The following ATR variants were observed in gnomAD, a reference collection of about 807,000 sequenced individuals.
ATR encodes ATR checkpoint kinase.
Under a neutral mutation model 305.3 loss-of-function variants are expected in ATR, and 142 were observed. That is an observed-to-expected ratio of 0.47 (90% CI 0.41 to 0.53). The LOEUF (loss-of-function observed/expected upper bound fraction) is 0.53, where lower values mean the gene tolerates loss of function less well. Ranked by LOEUF, ATR falls within the 20% of genes least tolerant of loss-of-function variation. The pLI, the probability that ATR is intolerant of heterozygous loss-of-function variation, is 0.00. For missense variants in ATR, 2,135 were observed against 3,133.1 expected (o/e 0.68, Z 7.60); for synonymous variants, 1,050 against 1,068.1 (o/e 0.98, Z 0.33).
At chr3:142,472,085 TTGTGTGTGTGTGTGTGTG>T (rs34342996) in intron 36 of ATR, 7 of 144,126 alleles carry the variant, frequency 4.9e-5, no homozygotes, top group South Asian at 2.3e-4. Flanking sequence ...TAGTATTCCA[TTGTGTGTGTGTGTGTGTG>T]TGTGTGTGTG....
chr3:142,462,601 T>A (rs1232450358), intron 41 of ATR, among the ~76,000 whole-genome samples: 4 of 151,942 alleles, frequency 2.6e-5, no homozygotes, highest in Non-Finnish European at 4.4e-5. Context: ...CCCGAGTAGG[T>A]GGGACTATAG....
rs760823609 is a variant in ATR at position 142,454,437 on chromosome 3, C to CTTTTTTTTTTTTT, written c.7656-1217_7656-1205dup. Among the ~76,000 whole-genome samples the CTTTTTTTTTTTTT allele has an allele frequency of 1.0e-3, 102 of 101,470 alleles. 5 individuals are homozygous for CTTTTTTTTTTTTT. Among genetic ancestry groups the CTTTTTTTTTTTTT allele is most frequent in the African/African-American group, 4.9e-3 (98 of 20,118 alleles). The allele number at this position is 101,470 out of a possible 152,430, so 66.6% of individuals were successfully genotyped here. ...TTCTACCATAATGTCTGATAGACAG[C>CTTTTTTTTTTTTT]TTTTTTTTTTTTTTTTTTTTTTTGA... On this transcript the variant is annotated intron_variant, in intron 45 of 46. Transcript: ENST00000350721.
At chr3:142,480,778 C>T (rs1422460709) in intron 36 of ATR, among the ~76,000 whole-genome samples, 7 of 152,232 alleles carry the variant, frequency 4.6e-5, no homozygotes, top group Admixed American at 1.3e-4. Flanking sequence ...ACTCAAGCCT[C>T]AGCAATGGCG....
At chr3:142,536,243 A>G in intron 19 of ATR, 42 bp from the exon 20 acceptor site, 1 of 1,360,360 alleles carries the variant, frequency 7.4e-7, no homozygotes, top group South Asian at 1.2e-5. Context: ...TGCCAAGAAT[A>G]TGAATACTAA....
chr3:142,569,524 G>A (rs34104088), intron 1 of ATR, among the ~76,000 whole-genome samples: 2,732 of 152,116 alleles, frequency 0.018, 30 homozygotes, highest in South Asian at 0.041. Context: ...GTTTCACCAC[G>A]TTGCCCAGGC....
intron 10 of ATR, among the ~76,000 whole-genome samples, chr3:142,554,487 C>T (rs762949661): frequency 2.6e-5 from 4 of 152,288 alleles, no homozygotes; most frequent in East Asian, 1.9e-4. Context: ...CTCGGCCTCC[C>T]GAAGTGCTGG....
chr3:142,569,313 T>A (rs1019891268), intron 1 of ATR, among the ~76,000 whole-genome samples: 17 of 152,160 alleles, frequency 1.1e-4, no homozygotes, highest in Non-Finnish European at 1.6e-4. Flanking sequence ...GGTGTTTTTT[T>A]ATTATTATTT....
intron 21 of ATR, among the ~76,000 whole-genome samples, chr3:142,530,714 C>T (rs1178018419): frequency 6.6e-6 from 1 of 152,026 alleles, no homozygotes; most frequent in Non-Finnish European, 1.5e-5. Context: ...TAAAATTCTC[C>T]CTCTTACTTT....
chr3:142,497,565 C>T (rs1301632424), intron 32 of ATR, among the ~76,000 whole-genome samples: 5 of 143,124 alleles, frequency 3.5e-5, no homozygotes, highest in Non-Finnish European at 6.1e-5. Context: ...AGACCCCGTC[C>T]CTTAAAATAA....
At position 142,457,638 on chromosome 3, in the gene ATR, T is replaced by G. The variant is rs762108631; in HGVS notation, c.7621A>C (p.Arg2541=). The G allele has an allele frequency of 1.3e-5, 21 of 1,614,046 alleles. No individual in the cohort carries two copies. The highest frequency in any genetic ancestry group is 1.4e-5 in the Non-Finnish European group (17 of 1,179,946). The change falls in exon 45 of 47, where the codon AGG becomes CGG. Residue 2541 remains arginine (R), a synonymous_variant. Transcript: ENST00000350721. ...LFRRACEVTM[R]LMRDQREPLM... The stretch of plus-strand genomic sequence containing the variant: ...GGCTCTCGCTGATCACGCATCAGCC[T>G]CATTGTAACTTCACATGCTCTTCGA...
intron 17 of ATR, 134 bp downstream of exon 17, chr3:142,542,531 G>A (rs1455352714): frequency 1.4e-5 from 12 of 868,028 alleles, no homozygotes; most frequent in African/African-American, 1.7e-5. Context: ...CCCAAAAAAC[G>A]TATATGAGTT....
intron 36 of ATR, among the ~76,000 whole-genome samples, chr3:142,475,396 C>T (rs1228194681): frequency 1.3e-5 from 2 of 152,138 alleles, no homozygotes; most frequent in Non-Finnish European, 2.9e-5. Context: ...TGGTTTCCAG[C>T]TTCATCCATG....
chr3:142,485,937 C>A (rs1351707811), intron 35 of ATR, among the ~76,000 whole-genome samples: 2 of 152,222 alleles, frequency 1.3e-5, no homozygotes, highest in African/African-American at 4.8e-5. Context: ...CAACTCTGAT[C>A]TCATTTGAAC....
At chr3:142,490,567 A>C (rs927087727) in intron 35 of ATR, among the ~76,000 whole-genome samples, 41 of 152,232 alleles carry the variant, frequency 2.7e-4, no homozygotes, top group African/African-American at 9.6e-4. Context: ...TGACCTAAGA[A>C]AACCTTTGCC....
At chr3:142,470,210 A>G in intron 36 of ATR, 27 bp from the exon 37 acceptor site, 1 of 1,500,650 alleles carries the variant, frequency 6.7e-7, no homozygotes, top group Non-Finnish European at 9.2e-7. Flanking sequence ...AAGAAACACT[A>G]TTAGCATAGC....
intron 27 of ATR, among the ~76,000 whole-genome samples, chr3:142,509,644 T>C (rs13098343): frequency 0.64 from 92,843 of 145,046 alleles, 30,340 homozygotes; most frequent in African/African-American, 0.81. Context: ...GTAGCCTCAA[T>C]CTCACAGGCT....
chr3:142,577,757 G>A (rs2035487366), intron 1 of ATR, among the ~76,000 whole-genome samples: 1 of 152,218 alleles, frequency 6.6e-6, no homozygotes, highest in Admixed American at 6.5e-5. Flanking sequence ...AACTGCGGTA[G>A]CAGCACAAGC....
intron 16 of ATR, 37 bp from the exon 17 acceptor site, chr3:142,542,794 C>T (rs745520208): frequency 4.1e-6 from 6 of 1,478,546 alleles, no homozygotes; most frequent in South Asian, 3.5e-5. Context: ...AAGCTTTATA[C>T]AGATTGAATT....
chr3:142,533,728 C>T (rs2033749970), intron 21 of ATR, among the ~76,000 whole-genome samples: 2 of 152,028 alleles, frequency 1.3e-5, no homozygotes, highest in African/African-American at 4.8e-5. Context: ...TAAATACTTA[C>T]TTTAAAAAAA....
Sources: allele counts gnomAD v4.1 joint callset (sites outside exome capture counted in the v4.1 genomes callset), GRCh38; gene constraint gnomAD v4.1.1; transcripts MANE v1.5; gene names NCBI Gene and HGNC (gene_info 2026-07-23, HGNC 2026-07-21).